The following ZBBX variants were observed in gnomAD, a reference collection of about 807,000 sequenced individuals.
ZBBX encodes the protein zinc finger B-box domain containing.
A neutral mutation model predicts 108.5 loss-of-function variants in ZBBX; 101 were observed. That is an observed-to-expected ratio of 0.93 (90% CI 0.79 to 1.10). ZBBX has a LOEUF of 1.10. Ranked by LOEUF, ZBBX falls within the 50% of genes least tolerant of loss-of-function variation. The probability of loss-of-function intolerance (pLI) is 0.00; values close to 1 mark genes in which losing one functional copy is unlikely to be tolerated. For missense variants in ZBBX, 1,009 were observed against 941.4 expected, an observed-to-expected ratio of 1.07 and a Z score of -0.94; for synonymous variants, 356 against 323.4, an observed-to-expected ratio of 1.10 and a Z score of -1.08.
At chr3:167,287,335 AGTT>A (rs941190638) in intron 19 of ZBBX, among the ~76,000 whole-genome samples, 5 of 152,030 alleles carry the variant, frequency 3.3e-5, no homozygotes, top group Admixed American at 2.0e-4. Flanking sequence ...CATAACACGG[AGTT>A]GTTGTTGTTC....
the ZBBX span, among the ~76,000 whole-genome samples, chr3:167,229,351 C>A: frequency 2.0e-5 from 3 of 151,772 alleles, no homozygotes; most frequent in Admixed American, 6.6e-5. Flanking sequence ...GAGATGAGGT[C>A]AATCTGCATT....
chr3:167,192,232 AT>A, the ZBBX span, among the ~76,000 whole-genome samples: 3 of 151,874 alleles, frequency 2.0e-5, no homozygotes, highest in Admixed American at 2.0e-4. Context: ...TTATTTTCAC[AT>A]TGTTTATTTG....
intron 20 of ZBBX, among the ~76,000 whole-genome samples, chr3:167,256,472 TTTAAG>T (rs1372830096): frequency 3.9e-5 from 6 of 152,232 alleles, no homozygotes; most frequent in South Asian, 2.1e-4. Context: ...AATAACATTC[TTTAAG>T]TTATTTTAAA....
At chr3:167,331,659 C>T in intron 10 of ZBBX, 1 of 981,414 alleles carries the variant, frequency 1.0e-6, no homozygotes, top group Non-Finnish European at 1.2e-6. Flanking sequence ...ATATCACGTC[C>T]ACTCAGAGTC....
the ZBBX span, among the ~76,000 whole-genome samples, chr3:167,184,202 A>G: frequency 1.3e-5 from 2 of 152,222 alleles, no homozygotes; most frequent in Non-Finnish European, 2.9e-5. Flanking sequence ...AGAAAATAAA[A>G]TTTCAGAATT....
intron 18 of ZBBX, among the ~76,000 whole-genome samples, chr3:167,295,760 A>AT (rs1731586030): frequency 0.03 from 201 of 6,624 alleles, 33 homozygotes; most frequent in South Asian, 0.043. Context: ...TATATATATA[A>AT]AAAAAACTAG....
intron 20 of ZBBX, chr3:167,248,664 A>T: frequency 2.2e-6 from 1 of 456,666 alleles, no homozygotes; most frequent in Non-Finnish European, 4.4e-6. Context: ...AAAGAAAAAC[A>T]AGGTTTGAAG....
intron 4 of ZBBX, among the ~76,000 whole-genome samples, chr3:167,371,832 G>A (rs13100414): frequency 0.099 from 15,057 of 152,062 alleles, 741 homozygotes; most frequent in African/African-American, 0.12. Flanking sequence ...ATATCTCAAA[G>A]TGAAGAGAGC....
intron 17 of ZBBX, among the ~76,000 whole-genome samples, chr3:167,300,210 T>C (rs1217012986): frequency 1.3e-5 from 2 of 152,308 alleles, no homozygotes; most frequent in Admixed American, 1.3e-4. Flanking sequence ...ACCCATTAGT[T>C]TGTTGAGAAT....
At chr3:167,407,227 A>T (rs1434683953) in intron 1 of ZBBX, among the ~76,000 whole-genome samples, 3 of 152,194 alleles carry the variant, frequency 2.0e-5, no homozygotes, top group African/African-American at 7.2e-5. Flanking sequence ...CCAAATAAGG[A>T]TGTGAAAAAT....
At chr3:167,406,284 T>C (rs142780570) in intron 1 of ZBBX, among the ~76,000 whole-genome samples, 2 of 152,362 alleles carry the variant, frequency 1.3e-5, no homozygotes, top group Non-Finnish European at 2.9e-5. Flanking sequence ...AGCCTACTTA[T>C]ATTTTTCACC....
At position 167,360,689 on chromosome 3, in the gene ZBBX, T is replaced by C. The variant is rs775246494; in HGVS notation, c.308A>G (p.Lys103Arg). The change falls in exon 7 of 22, where the codon AAG becomes AGG. Residue 103 changes from lysine (K) to arginine (R), a missense_variant. Coordinates refer to ENST00000675490, the MANE Select transcript of ZBBX (RefSeq NM_001199201.2). The part of the protein sequence containing the change: ...SAGKVKLKLL[K>R]EQIQEPVKPT... ...AAATTATTTACCTTGAATCTGTTCC[T>C]TCAGCAATTTTAATTTCACTTTTCC... 1.4e-5 allele frequency: 19 copies of C among 1,383,614 alleles called. No individual in the cohort carries two copies. Among genetic ancestry groups the C allele is most frequent in the Non-Finnish European group, 1.8e-5 (19 of 1,054,872 alleles). 85.7% of individuals were successfully genotyped at this position (1,383,614 alleles called of 1,614,324 possible).
chr3:167,250,532 C>CTTT (rs11438021), intron 20 of ZBBX, among the ~76,000 whole-genome samples: 6 of 145,510 alleles, frequency 4.1e-5, no homozygotes, highest in African/African-American at 5.1e-5. Context: ...CCTTATAAAA[C>CTTT]TTTTTTTTTT....
intron 9 of ZBBX, among the ~76,000 whole-genome samples, chr3:167,348,302 GA>G (rs1577060318): frequency 2.0e-3 from 174 of 88,272 alleles, no homozygotes; most frequent in East Asian, 8.5e-3. Context: ...AAAGAAGAAA[GA>G]GAGAAAGAAA....
chr3:167,321,997 A>G, intron 12 of ZBBX, 120 bp downstream of exon 12: 5 of 576,284 alleles, frequency 8.7e-6, no homozygotes, highest in Non-Finnish European at 1.3e-5. Context: ...ATCTTGCTTT[A>G]AAATTATGTA....
At chr3:167,222,132 A>G in the ZBBX span, among the ~76,000 whole-genome samples, 1 of 151,986 alleles carries the variant, frequency 6.6e-6, no homozygotes, top group Non-Finnish European at 1.5e-5. Context: ...TATTCACAAT[A>G]GACAAGATTT....
the ZBBX span, among the ~76,000 whole-genome samples, chr3:167,221,054 A>T: frequency 6.6e-6 from 1 of 151,956 alleles, no homozygotes; most frequent in Non-Finnish European, 1.5e-5. Context: ...GGTGAAAGAA[A>T]TGGAAAAGAA....
chr3:167,355,317 T>G (rs1016281940), intron 8 of ZBBX, among the ~76,000 whole-genome samples: 5 of 152,028 alleles, frequency 3.3e-5, no homozygotes, highest in African/African-American at 1.2e-4. Flanking sequence ...ATTTTACATG[T>G]ATTAACTCAT....
intron 4 of ZBBX, chr3:167,368,822 T>C (rs1745730602): frequency 1.2e-6 from 1 of 803,276 alleles, no homozygotes; most frequent in African/African-American, 1.8e-5. Context: ...TTCAAAATTA[T>C]AATTAACTTC....
Sources: gnomAD v4.1 joint callset for allele counts (sites outside exome capture counted in the v4.1 genomes callset) on GRCh38, gnomAD v4.1.1 for gene constraint, MANE v1.5 for transcripts, NCBI Gene and HGNC (gene_info 2026-07-23, HGNC 2026-07-21) for gene names.